Variants in PTPRD observed in about 807,000 individuals in gnomAD.
PTPRD encodes protein tyrosine phosphatase receptor type D.
A neutral mutation model predicts 214.5 loss-of-function variants in PTPRD; 34 were observed. The observed-to-expected ratio is 0.16, with a 90% CI of 0.12 to 0.21. The LOEUF (loss-of-function observed/expected upper bound fraction) is 0.21. PTPRD is among the 10% of genes least tolerant of loss of function. PTPRD has a pLI of 1.00. For synonymous variants in PTPRD, 1,128 were observed against 845.7 expected (o/e 1.33, Z -5.79); for missense variants, 2,545 against 2,398.7 (o/e 1.06, Z -1.27).
intron 36 of PTPRD, among the ~76,000 whole-genome samples, chr9:8,403,598 G>A (rs1379895687): frequency 6.6e-6 from 1 of 152,130 alleles, no homozygotes; most frequent in Non-Finnish European, 1.5e-5. Context: ...ATTTATCATT[G>A]GAAAAATGAT....
intron 8 of PTPRD, among the ~76,000 whole-genome samples, chr9:9,494,001 A>G (rs1166218298): frequency 6.6e-6 from 1 of 152,132 alleles, no homozygotes; most frequent in Non-Finnish European, 1.5e-5. Flanking sequence ...AGTTTGGAAG[A>G]TTATTCCAAT....
chr9:8,964,702 T>A (rs2099181452), intron 11 of PTPRD, among the ~76,000 whole-genome samples: 2 of 152,046 alleles, frequency 1.3e-5, no homozygotes. Context: ...AACTATAAAC[T>A]TTCCTCTTAC....
At chr9:8,510,349 G>C (rs187248374) in intron 21 of PTPRD, among the ~76,000 whole-genome samples, 84 of 152,162 alleles carry the variant, frequency 5.5e-4, no homozygotes, top group Admixed American at 1.4e-3. Context: ...GAATACAAAT[G>C]CTCAGAGGTG....
chr9:9,623,614 T>C (rs1479909218), intron 7 of PTPRD, among the ~76,000 whole-genome samples: 2 of 152,114 alleles, frequency 1.3e-5, no homozygotes, highest in African/African-American at 4.8e-5. Context: ...CCGTGGGAAA[T>C]AAATGATACA....
chr9:10,595,960 T>C (rs1481414460), intron 2 of PTPRD, among the ~76,000 whole-genome samples: 1 of 151,848 alleles, frequency 6.6e-6, no homozygotes, highest in Admixed American at 6.6e-5. Context: ...CCTTTAATCG[T>C]GTGATTTGTA....
chr9:8,705,043 T>TTA (rs1226876842), intron 12 of PTPRD, among the ~76,000 whole-genome samples: 1 of 152,110 alleles, frequency 6.6e-6, no homozygotes, highest in African/African-American at 2.4e-5. Context: ...GTAAAACAGG[T>TTA]TATAACACAC....
intron 11 of PTPRD, among the ~76,000 whole-genome samples, chr9:8,982,118 C>G (rs191638711): frequency 6.6e-6 from 1 of 152,090 alleles, no homozygotes; most frequent in African/African-American, 2.4e-5. Context: ...AATTAACACA[C>G]TGAATTTAAT....
intron 8 of PTPRD, among the ~76,000 whole-genome samples, chr9:9,501,411 C>A (rs1169207720): frequency 1.3e-5 from 2 of 151,722 alleles, no homozygotes; most frequent in Non-Finnish European, 2.9e-5. Flanking sequence ...CAGTTCAATT[C>A]ACATAAAGAC....
In PTPRD at chr9:9,307,569, T is replaced by G. The variant is rs573704469; in HGVS notation, c.-203+89880A>C. Among the ~76,000 whole-genome samples the G allele has an allele frequency of 1.5e-4, 23 of 152,278 alleles. No homozygotes were observed. The South Asian group carries it at 3.3e-3, about 22-fold the overall frequency. ...TCACTAATCTCATGTCTTTGCCTTT[T>G]TTCCATTCTAACTACTGTTGCTTTA... On this transcript the variant is annotated intron_variant, in intron 9 of 45. Coordinates refer to ENST00000381196, the MANE Select transcript of PTPRD (RefSeq NM_002839.4).
intron 10 of PTPRD, among the ~76,000 whole-genome samples, chr9:9,028,242 A>T (rs2154374577): frequency 6.6e-6 from 1 of 152,130 alleles, no homozygotes; most frequent in South Asian, 2.1e-4. Context: ...AAATTCAGAC[A>T]ATATTTGTTG....
chr9:9,047,801 C>A (rs762132872), intron 10 of PTPRD, among the ~76,000 whole-genome samples: 1 of 152,058 alleles, frequency 6.6e-6, no homozygotes, highest in Non-Finnish European at 1.5e-5. Flanking sequence ...ATTGGAGAAG[C>A]TCTGCAGGAC....
At chr9:9,891,934 T>C (rs2073472099) in intron 5 of PTPRD, among the ~76,000 whole-genome samples, 1 of 152,154 alleles carries the variant, frequency 6.6e-6, no homozygotes, top group African/African-American at 2.4e-5. Flanking sequence ...ACATCCCACA[T>C]ATTTTACTAT....
At chr9:9,213,079 G>A (rs978687564) in intron 9 of PTPRD, among the ~76,000 whole-genome samples, 2 of 152,086 alleles carry the variant, frequency 1.3e-5, no homozygotes, top group African/African-American at 2.4e-5. Context: ...AAGTTGAAAC[G>A]ATGCACATCA....
intron 8 of PTPRD, among the ~76,000 whole-genome samples, chr9:9,445,436 C>T (rs1003388233): frequency 3.3e-5 from 5 of 152,100 alleles, no homozygotes; most frequent in African/African-American, 1.2e-4. Flanking sequence ...CTGTATTAGT[C>T]CATTCTCATG....
At chr9:9,809,657 G>C (rs2046528364) in intron 5 of PTPRD, among the ~76,000 whole-genome samples, 1 of 152,134 alleles carries the variant, frequency 6.6e-6, no homozygotes, top group South Asian at 2.1e-4. Flanking sequence ...AATGGAATTA[G>C]GAGTGAGAAT....
At chr9:9,697,977 C>T (rs1486922996) in intron 7 of PTPRD, among the ~76,000 whole-genome samples, 1 of 152,172 alleles carries the variant, frequency 6.6e-6, no homozygotes, top group African/African-American at 2.4e-5. Context: ...TATTTCTCAG[C>T]TCCAGGAATT....
chr9:9,340,712 A>G (rs576035885), intron 9 of PTPRD, among the ~76,000 whole-genome samples: 6 of 152,326 alleles, frequency 3.9e-5, no homozygotes, highest in African/African-American at 1.4e-4. Context: ...AAACAATTAT[A>G]TTTCCTTACT....
chr9:8,877,062 G>T (rs1382115402), intron 11 of PTPRD, among the ~76,000 whole-genome samples: 1 of 152,016 alleles, frequency 6.6e-6, no homozygotes, highest in Non-Finnish European at 1.5e-5. Context: ...GAGTAGCTGG[G>T]ACTATGGACA....
At chr9:9,702,850 A>G (rs1203331488) in intron 7 of PTPRD, among the ~76,000 whole-genome samples, 1 of 152,186 alleles carries the variant, frequency 6.6e-6, no homozygotes, top group Non-Finnish European at 1.5e-5. Context: ...AGGAGAGTAA[A>G]GAATAACAAG....
Sources: allele counts gnomAD v4.1 joint callset (sites outside exome capture counted in the v4.1 genomes callset), GRCh38; gene constraint gnomAD v4.1.1; transcripts MANE v1.5; gene names NCBI Gene and HGNC (gene_info 2026-07-23, HGNC 2026-07-21).